KIRREL1: variants seen among roughly 807,000 people sequenced by gnomAD.
KIRREL1 encodes the protein kin of IRRE-like protein 1.
In KIRREL1, 25 loss-of-function variants were observed where a neutral mutation model predicts 83.3. The ratio of observed to expected loss-of-function variants is 0.30; its 90% CI spans 0.22 to 0.42. KIRREL1 has a LOEUF of 0.42. KIRREL1 is among the 10% of genes least tolerant of loss of function. The pLI is 1.00. For synonymous variants in KIRREL1, 388 were observed against 410.4 expected (o/e 0.95, Z 0.66); for missense variants, 812 against 1,032.3 (o/e 0.79, Z 2.92).
Position 158,095,494 on chromosome 1 carries a change from A to T in KIRREL1, c.*374A>T, listed in dbSNP as rs539087993. 5.3e-6 allele frequency: 1 copy of T among 187,394 alleles called. No homozygotes were observed. The highest frequency in any genetic ancestry group is 1.5e-4 in the South Asian group (1 of 6,548). The allele number at this position is 187,394 out of a possible 1,614,324, so 11.6% of individuals were successfully genotyped here. On this transcript the variant is annotated 3_prime_UTR_variant, in exon 15 of 15. Transcript: ENST00000359209. ...TAAGTGGAAATGGGGGTACCCAGGG[A>T]TGGGCAGGCTTTGGCCTAGGGACAT...
At chr1:157,997,467 G>GT (rs1165176423) in intron 1 of KIRREL1, among the ~76,000 whole-genome samples, 29 of 100,706 alleles carry the variant, frequency 2.9e-4, no homozygotes, top group Non-Finnish European at 1.9e-4. Flanking sequence ...ATTCTTTGTG[G>GT]GGTGTGTGTG....
intron 10 of KIRREL1, 56 bp from the exon 11 acceptor site, chr1:158,091,302 C>A (rs1662187871): frequency 1.3e-6 from 2 of 1,528,736 alleles, no homozygotes; most frequent in East Asian, 2.3e-5. Flanking sequence ...GACACGTGGG[C>A]ATGGGCTTCT....
chr1:158,054,055 A>T (rs1037028121), intron 1 of KIRREL1, among the ~76,000 whole-genome samples: 4 of 151,780 alleles, frequency 2.6e-5, no homozygotes, highest in Non-Finnish European at 5.9e-5. Flanking sequence ...TACTAAAAAT[A>T]AAAAAATTAG....
chr1:158,061,782 G>T (rs1661221322), intron 1 of KIRREL1, among the ~76,000 whole-genome samples: 3 of 152,282 alleles, frequency 2.0e-5, no homozygotes, highest in African/African-American at 7.2e-5. Context: ...AGGGTGGCTG[G>T]TTTTTGTAGG....
chr1:158,067,248 G>T (rs1245862517), intron 1 of KIRREL1, among the ~76,000 whole-genome samples: 1 of 152,206 alleles, frequency 6.6e-6, no homozygotes, highest in East Asian at 1.9e-4. Context: ...AGCCCTAATG[G>T]AAGGGATGTG....
intron 1 of KIRREL1, among the ~76,000 whole-genome samples, chr1:157,998,749 G>T (rs1297801333): frequency 6.6e-6 from 1 of 152,198 alleles, no homozygotes; most frequent in Non-Finnish European, 1.5e-5. Flanking sequence ...GTTCTAACCC[G>T]CCTGGGGAGG....
At chr1:158,015,534 C>G (rs1557989137) in intron 1 of KIRREL1, among the ~76,000 whole-genome samples, 1 of 152,184 alleles carries the variant, frequency 6.6e-6, no homozygotes, top group Non-Finnish European at 1.5e-5. Flanking sequence ...AAGGAACAGC[C>G]CTGTGAGACT....
intron 1 of KIRREL1, among the ~76,000 whole-genome samples, chr1:158,049,438 G>C (rs1660857594): frequency 6.6e-6 from 1 of 152,214 alleles, no homozygotes; most frequent in Non-Finnish European, 1.5e-5. Flanking sequence ...CACCCGCACT[G>C]AGAGGATGGT....
chr1:158,055,298 G>T (rs1661024538), intron 1 of KIRREL1, among the ~76,000 whole-genome samples: 1 of 152,134 alleles, frequency 6.6e-6, no homozygotes, highest in African/African-American at 2.4e-5. Context: ...ACAGCTGTTT[G>T]CATCTTGCCA....
At chr1:158,048,150 G>A (rs1220867922) in intron 1 of KIRREL1, among the ~76,000 whole-genome samples, 1 of 152,184 alleles carries the variant, frequency 6.6e-6, no homozygotes, top group Non-Finnish European at 1.5e-5. Flanking sequence ...TCTGATGTTG[G>A]TGAGACCTAT....
intron 1 of KIRREL1, among the ~76,000 whole-genome samples, chr1:158,038,440 G>GA (rs964662928): frequency 1.3e-5 from 2 of 148,632 alleles, no homozygotes; most frequent in Non-Finnish European, 3.0e-5. Flanking sequence ...AGAGTGGCAT[G>GA]AAAAAATCTG....
intron 1 of KIRREL1, among the ~76,000 whole-genome samples, chr1:158,050,174 G>C (rs558313373): frequency 1.6e-4 from 25 of 152,208 alleles, no homozygotes; most frequent in African/African-American, 6.0e-4. Flanking sequence ...GGGTTCCAGG[G>C]ACTACAGCAC....
rs1360159757 is a variant in KIRREL1, at chr1:158,096,700, C to T, written c.*1580C>T. ...CTTCCATGTGACTGCTTCTCAGCCA[C>T]CACTTTCTGACCAAAGAGAACAGGC... On this transcript the variant is annotated 3_prime_UTR_variant, in exon 15 of 15. Coordinates refer to ENST00000359209, the MANE Select transcript of KIRREL1 (RefSeq NM_018240.7). 3.1e-5 allele frequency: 14 copies of T among 456,618 alleles called. 1 individual carries two copies. The Middle Eastern group carries it at 1.3e-3, about 42-fold the overall frequency. The allele number at this position is 456,618 out of a possible 1,614,324, so 28.3% of individuals were successfully genotyped here.
chr1:158,053,263 C>A (rs1473901485), intron 1 of KIRREL1, among the ~76,000 whole-genome samples: 1 of 152,206 alleles, frequency 6.6e-6, no homozygotes, highest in Admixed American at 6.5e-5. Flanking sequence ...GCACCTGACA[C>A]ACAGTAGGGT....
At chr1:158,043,412 C>T (rs1195136137) in intron 1 of KIRREL1, among the ~76,000 whole-genome samples, 6 of 152,312 alleles carry the variant, frequency 3.9e-5, no homozygotes, top group East Asian at 1.9e-4. Flanking sequence ...CCCGGCTGCA[C>T]GCCTCCCTTC....
At chr1:158,006,339 C>G (rs915224497) in intron 1 of KIRREL1, among the ~76,000 whole-genome samples, 2 of 152,208 alleles carry the variant, frequency 1.3e-5, no homozygotes, top group Admixed American at 1.3e-4. Context: ...CTAGCCTGAA[C>G]CTTCCCTGCT....
rs891889873 is a variant in KIRREL1, at chr1:158,037,672, C to G, written c.53-38441C>G. ...CAAGTCCCATCTCTCCTTCCAAACC[C>G]TGATTGTAGCTCCCTCCTCCAGCAA... On this transcript the variant is annotated intron_variant, in intron 1 of 14. Transcript: ENST00000359209. Among the ~76,000 whole-genome samples the G allele has an allele frequency of 3.3e-5, 5 of 152,140 alleles. 1 individual carries two copies. Among genetic ancestry groups the G allele is most frequent in the Admixed American group, 3.3e-4 (5 of 15,278 alleles).
chr1:157,996,311 T>C (rs1659198930), intron 1 of KIRREL1, among the ~76,000 whole-genome samples: 1 of 152,096 alleles, frequency 6.6e-6, no homozygotes, highest in Non-Finnish European at 1.5e-5. Flanking sequence ...ACAGACTGAT[T>C]GCGCCGAAAA....
At position 158,011,818 on chromosome 1, in the gene KIRREL1, G is replaced by T. The variant is rs186559108; in HGVS notation, c.52+18090G>T. Among the ~76,000 whole-genome samples, 35 of 152,310 alleles carry T rather than the reference G, an allele frequency of 2.3e-4. No individual in the cohort carries two copies. The East Asian group carries it at 6.4e-3, about 28-fold the overall frequency. On this transcript the variant is annotated intron_variant, in intron 1 of 14. Coordinates refer to ENST00000359209, the MANE Select transcript of KIRREL1 (RefSeq NM_018240.7). Reference sequence around the variant, plus strand: ...AGGAGAAGCAGGAGGCCAGGCAGTGGCCACGAGGACGTAGTCACACGCAGA... The same window carrying T: ...AGGAGAAGCAGGAGGCCAGGCAGTGTCCACGAGGACGTAGTCACACGCAGA...
Sources: gnomAD v4.1 joint callset for allele counts (sites outside exome capture counted in the v4.1 genomes callset) on GRCh38, gnomAD v4.1.1 for gene constraint, MANE v1.5 for transcripts, NCBI Gene and HGNC (gene_info 2026-07-23, HGNC 2026-07-21) for gene names.